The following ATP2B1 variants were observed in gnomAD, a reference collection of about 807,000 sequenced individuals.
ATP2B1 encodes ATPase plasma membrane Ca2+ transporting 1, also known as plasma membrane calcium-transporting ATPase 1.
ATP2B1 carries 14 observed loss-of-function variants against 124.2 expected under a neutral mutation model. The observed-to-expected ratio is 0.11, with a 90% CI of 0.07 to 0.18. The LOEUF is 0.18. Ranked by LOEUF, ATP2B1 falls within the 10% of genes least tolerant of loss-of-function variation. ATP2B1 has a pLI of 1.00. For missense variants in ATP2B1, 763 were observed against 1,466.1 expected (o/e 0.52, Z 7.83); for synonymous variants, 449 against 492.4 (o/e 0.91, Z 1.17).
chr12:89,603,480 T>C lies in ATP2B1; in HGVS notation c.2849-226A>G, dbSNP rs926518189. 111 of 632,720 alleles carry C rather than the reference T, an allele frequency of 1.8e-4. 3 individuals are homozygous for C. In the South Asian group the frequency reaches 2.3e-3, roughly 13 times the overall value. 39.2% of individuals were successfully genotyped at this position (632,720 alleles called of 1,614,324 possible). Reference sequence around the variant, plus strand: ...TCTCAGGATCACATATCTAAATTAGTGGAGAGCCAGGGTAAGACATCAGGA... The same window carrying C: ...TCTCAGGATCACATATCTAAATTAGCGGAGAGCCAGGGTAAGACATCAGGA... On this transcript the variant is annotated intron_variant, in intron 17 of 20. Transcript: ENST00000428670. This position sits in a 1 kb window ranked among gnomAD's most constrained non-coding sequence, Gnocchi z 4.3.
At chr12:89,644,219 T>G (rs577714949) in intron 2 of ATP2B1, among the ~76,000 whole-genome samples, 1 of 152,140 alleles carries the variant, frequency 6.6e-6, no homozygotes, top group Non-Finnish European at 1.5e-5. Flanking sequence ...AAACCTAACT[T>G]CAATTTGTTT....
At chr12:89,635,802 T>TA (rs1480813628) in intron 3 of ATP2B1, among the ~76,000 whole-genome samples, 1 of 152,214 alleles carries the variant, frequency 6.6e-6, no homozygotes, top group Non-Finnish European at 1.5e-5. Context: ...TTGGCTTTTA[T>TA]AACATGAAAA....
At chr12:89,701,150 G>A (rs1455690528) in intron 1 of ATP2B1, among the ~76,000 whole-genome samples, 1 of 152,188 alleles carries the variant, frequency 6.6e-6, no homozygotes, top group Non-Finnish European at 1.5e-5. Flanking sequence ...GATGCCTAGT[G>A]ATTCTGTAGC....
chr12:89,636,652 G>A (rs1882759036), intron 3 of ATP2B1, among the ~76,000 whole-genome samples: 1 of 152,164 alleles, frequency 6.6e-6, no homozygotes, highest in African/African-American at 2.4e-5. Context: ...TCTGAGGTGT[G>A]AGGGTGCTGA....
At chr12:89,632,023 A>G (rs1363231094) in intron 5 of ATP2B1, among the ~76,000 whole-genome samples, 1 of 152,186 alleles carries the variant, frequency 6.6e-6, no homozygotes, top group Non-Finnish European at 1.5e-5. Context: ...TATAATGCTG[A>G]TAAGTCTGCT....
Position 89,624,334 on chromosome 12 carries a change from CAGA to C in ATP2B1, c.1190_1192del (p.Phe397del). The C allele has an allele frequency of 6.2e-7, 1 of 1,614,080 alleles. No homozygotes were observed. Among genetic ancestry groups the C allele is most frequent in the Non-Finnish European group, 8.5e-7 (1 of 1,179,996 alleles). On this transcript the variant is annotated inframe_deletion, in exon 9 of 21. Transcript: ENST00000428670. ...AGCAAGCCATGGTCTTTTCTGAACC[CAGA>C]AGGTGTCAATGACAAAATATAATAC... is the stretch of plus-strand genomic sequence containing the variant.
intron 1 of ATP2B1, among the ~76,000 whole-genome samples, chr12:89,691,608 T>C (rs1466764046): frequency 6.6e-6 from 1 of 152,204 alleles, no homozygotes; most frequent in Non-Finnish European, 1.5e-5. Flanking sequence ...TCAGGATTAT[T>C]ACTCAGTTTG....
intron 9 of ATP2B1, among the ~76,000 whole-genome samples, chr12:89,622,731 T>C (rs1880203125): frequency 6.6e-6 from 1 of 152,164 alleles, no homozygotes; most frequent in African/African-American, 2.4e-5. Flanking sequence ...TGTTCAGTTT[T>C]GTGAAACACT....
chr12:89,602,477 T>C (rs1422347991), intron 18 of ATP2B1, among the ~76,000 whole-genome samples: 2 of 152,204 alleles, frequency 1.3e-5, no homozygotes, highest in Non-Finnish European at 2.9e-5. Flanking sequence ...TTTTCACTTC[T>C]CGGTTCCACT....
chr12:89,664,890 C>T (rs1488991576), intron 1 of ATP2B1, among the ~76,000 whole-genome samples: 1 of 151,414 alleles, frequency 6.6e-6, no homozygotes, highest in Admixed American at 6.6e-5. Context: ...GCTCTGTTGC[C>T]AGGCTGGAGT....
At chr12:89,622,670 T>C (rs1880194683) in intron 9 of ATP2B1, among the ~76,000 whole-genome samples, 1 of 152,154 alleles carries the variant, frequency 6.6e-6, no homozygotes, top group Non-Finnish European at 1.5e-5. Context: ...AAATTACTTG[T>C]GATTTACATA....
chr12:89,677,364 C>A (rs1233850625), intron 1 of ATP2B1, among the ~76,000 whole-genome samples: 1 of 152,084 alleles, frequency 6.6e-6, no homozygotes, highest in Non-Finnish European at 1.5e-5. Context: ...CTTTCTAGCA[C>A]ACTAATGAAC....
chr12:89,598,149 C>A (rs1330486448), intron 20 of ATP2B1, among the ~76,000 whole-genome samples: 1 of 151,308 alleles, frequency 6.6e-6, no homozygotes, highest in African/African-American at 2.4e-5. Flanking sequence ...AACTTACTTT[C>A]CAAATTGGAC....
chr12:89,689,067 C>G (rs963127882), intron 1 of ATP2B1, among the ~76,000 whole-genome samples: 3 of 152,042 alleles, frequency 2.0e-5, no homozygotes, highest in Non-Finnish European at 4.4e-5. Context: ...CTAAAAACCA[C>G]CTATTCTGAT....
chr12:89,600,540 T>C (rs1423764579), intron 19 of ATP2B1, among the ~76,000 whole-genome samples: 1 of 152,170 alleles, frequency 6.6e-6, no homozygotes, highest in Non-Finnish European at 1.5e-5. Flanking sequence ...TAAAACATCA[T>C]TTTGTGACCC....
intron 1 of ATP2B1, among the ~76,000 whole-genome samples, chr12:89,684,799 A>G (rs1262092799): frequency 6.6e-6 from 1 of 152,112 alleles, no homozygotes; most frequent in African/African-American, 2.4e-5. Flanking sequence ...CTATTAACCC[A>G]TATTAATCTA....
At chr12:89,612,592 CT>C (rs748442585) in intron 12 of ATP2B1, among the ~76,000 whole-genome samples, 2 of 152,212 alleles carry the variant, frequency 1.3e-5, no homozygotes, top group Non-Finnish European at 2.9e-5. Context: ...ATGTTTCTAA[CT>C]CCCCCCGCCC....
chr12:89,701,651 G>A lies in ATP2B1; in HGVS notation c.-222+6945C>T, dbSNP rs761517654. Among the ~76,000 whole-genome samples the A allele has an allele frequency of 3.1e-4, 47 of 152,204 alleles. 1 individual carries two copies. Among genetic ancestry groups the A allele is most frequent in the Non-Finnish European group, 6.5e-4 (44 of 68,046 alleles). ...CATTTCACAGAATGTTACTAGGACA[G>A]TAGAATTTAGCTTCTCTACAGGCAG... On this transcript the variant is annotated intron_variant, in intron 1 of 20. Coordinates refer to ENST00000428670, the MANE Select transcript of ATP2B1 (RefSeq NM_001366521.1).
rs777347175 is a variant in ATP2B1, at chr12:89,679,541, A to G, written c.-221-23434T>C. Among the ~76,000 whole-genome samples the G allele has an allele frequency of 5.3e-5, 8 of 152,300 alleles. 1 individual carries two copies. The highest frequency in any genetic ancestry group is 5.9e-5 in the Non-Finnish European group (4 of 68,016). ...CTTTTCCCCCAAAAAGCACAATATC[A>G]TAAGAAGTACAAATAAAACCATAGG... On this transcript the variant is annotated intron_variant, in intron 1 of 20. Transcript: ENST00000428670.
Sources: allele counts gnomAD v4.1 joint callset (sites outside exome capture counted in the v4.1 genomes callset), GRCh38; gene constraint gnomAD v4.1.1; non-coding constraint Gnocchi (gnomAD v3.1); transcripts MANE v1.5; gene names NCBI Gene and HGNC (gene_info 2026-07-23, HGNC 2026-07-21).